UEVLD: variants seen among roughly 807,000 people sequenced by gnomAD.
UEVLD encodes UEV and lactate/malate dehyrogenase domains, also known as ubiquitin-conjugating enzyme E2 variant 3.
In UEVLD, 47 loss-of-function variants were observed where a neutral mutation model predicts 58.6. That is an observed-to-expected ratio of 0.80 (90% CI 0.63 to 1.02). The LOEUF (loss-of-function observed/expected upper bound fraction) is 1.02, where lower values mean the gene tolerates loss of function less well. Among genes scored for constraint, UEVLD ranks in the 50% least tolerant of loss-of-function variants. The pLI is 0.00. For missense variants in UEVLD, 510 were observed against 550.6 expected, an observed-to-expected ratio of 0.93 and a Z score of 0.74; for synonymous variants, 197 against 195.3, an observed-to-expected ratio of 1.01 and a Z score of -0.07.
Position 18,547,028 on chromosome 11 carries a change from G to A in UEVLD, c.738C>T (p.Ser246=). ...ISKDLSASAH[S]KVVIFTVNSL... ...AGTTGACTGTGAAGATCACCACCTT[G>A]GAATGAGCAGAGGCAGACAAATCTA... Residue 246 remains serine (S), a synonymous_variant, in exon 8 of 12, where the codon TCC becomes TCT. Coordinates refer to ENST00000396197, the MANE Select transcript of UEVLD (RefSeq NM_001040697.4). 6.2e-7 allele frequency: 1 copy of A among 1,613,182 alleles called. No homozygotes were observed. The highest frequency in any genetic ancestry group is 1.1e-5 in the South Asian group (1 of 90,816).
intron 9 of UEVLD, among the ~76,000 whole-genome samples, chr11:18,542,890 C>CTTTTTTTTTCTTTTTTT (rs1851116523): frequency 7.9e-6 from 1 of 125,902 alleles, no homozygotes; most frequent in Non-Finnish European, 1.6e-5. Context: ...CTTTTCTTTT[C>CTTTTTTTTTCTTTTTTT]TTTTTTTTTT....
At chr11:18,575,101 T>C (rs1038232132) in intron 3 of UEVLD, among the ~76,000 whole-genome samples, 3 of 152,302 alleles carry the variant, frequency 2.0e-5, no homozygotes, top group South Asian at 4.1e-4. Flanking sequence ...GCTGAACTCT[T>C]TTTAAGAGAT....
At chr11:18,543,881 G>A (rs756501151) in intron 9 of UEVLD, among the ~76,000 whole-genome samples, 1 of 152,150 alleles carries the variant, frequency 6.6e-6, no homozygotes, top group African/African-American at 2.4e-5. Flanking sequence ...AGGCCATAGG[G>A]ATAAACAATG....
intron 7 of UEVLD, among the ~76,000 whole-genome samples, chr11:18,551,871 T>A (rs879263484): frequency 2.6e-5 from 4 of 152,308 alleles, no homozygotes; most frequent in Admixed American, 1.3e-4. Flanking sequence ...GTAAATAATA[T>A]TTCATGCTTT....
At chr11:18,566,945 A>G (rs535012089) in intron 4 of UEVLD, among the ~76,000 whole-genome samples, 30 of 152,226 alleles carry the variant, frequency 2.0e-4, no homozygotes, top group Middle Eastern at 3.2e-3. Context: ...ATAATTTCAG[A>G]CTTACAGAAA....
intron 4 of UEVLD, among the ~76,000 whole-genome samples, chr11:18,569,610 G>A (rs1319673517): frequency 6.9e-6 from 1 of 144,050 alleles, no homozygotes. Flanking sequence ...ATATCCTTAT[G>A]CTGTCATCAG....
At chr11:18,535,539 A>G (rs968534052) in intron 10 of UEVLD, among the ~76,000 whole-genome samples, 40 of 152,228 alleles carry the variant, frequency 2.6e-4, no homozygotes, top group African/African-American at 8.9e-4. Context: ...TCTAAAAGTC[A>G]TAAGCTGATG....
At chr11:18,557,185 C>T (rs1009298868) in intron 7 of UEVLD, among the ~76,000 whole-genome samples, 2 of 151,798 alleles carry the variant, frequency 1.3e-5, no homozygotes, top group Admixed American at 6.6e-5. Flanking sequence ...CAGAGTCTCA[C>T]TCTGTCGCCC....
At chr11:18,543,694 G>A (rs2133971398) in intron 9 of UEVLD, among the ~76,000 whole-genome samples, 1 of 152,272 alleles carries the variant, frequency 6.6e-6, no homozygotes, top group African/African-American at 2.4e-5. Context: ...AAATCAGGGT[G>A]AACAGCACTT....
chr11:18,574,751 T>C (rs1852811945), intron 3 of UEVLD, among the ~76,000 whole-genome samples: 1 of 152,196 alleles, frequency 6.6e-6, no homozygotes, highest in Admixed American at 6.5e-5. Flanking sequence ...AATTTTCCTA[T>C]TGGAGTCTGA....
At chr11:18,547,513 G>C (rs1424753178) in intron 7 of UEVLD, among the ~76,000 whole-genome samples, 1 of 152,140 alleles carries the variant, frequency 6.6e-6, no homozygotes, top group Non-Finnish European at 1.5e-5. Context: ...GACAGAGTGA[G>C]ACTCTGTCTC....
intron 1 of UEVLD, among the ~76,000 whole-genome samples, chr11:18,582,491 G>A (rs930066969): frequency 1.4e-5 from 2 of 146,796 alleles, no homozygotes; most frequent in African/African-American, 5.1e-5. Context: ...GTGCCACCAT[G>A]CCTGGATAAT....
intron 1 of UEVLD, among the ~76,000 whole-genome samples, chr11:18,584,989 CT>C (rs1421539348): frequency 1.1e-4 from 16 of 152,116 alleles, no homozygotes; most frequent in South Asian, 6.2e-4. Flanking sequence ...GATACCAATA[CT>C]TTGTCAGTTA....
chr11:18,562,074 G>C (rs936833062), intron 6 of UEVLD, among the ~76,000 whole-genome samples: 1 of 152,026 alleles, frequency 6.6e-6, no homozygotes, highest in Non-Finnish European at 1.5e-5. Flanking sequence ...AAATATTAAC[G>C]TCTAAAAAGA....
At chr11:18,546,514 T>C (rs1192068465) in intron 8 of UEVLD, among the ~76,000 whole-genome samples, 5 of 151,974 alleles carry the variant, frequency 3.3e-5, no homozygotes, top group Non-Finnish European at 5.9e-5. Flanking sequence ...TGTTTTTTTT[T>C]TTTGAGAGAG....
intron 1 of UEVLD, among the ~76,000 whole-genome samples, chr11:18,582,405 C>CTTTTTTTTT (rs773719146): frequency 1.3e-5 from 1 of 75,640 alleles, no homozygotes; most frequent in African/African-American, 4.7e-5. Flanking sequence ...AAAATATTAG[C>CTTTTTTTTT]TTTTTTTTTT....
chr11:18,577,737 T>C lies in UEVLD; in HGVS notation c.127+987A>G, dbSNP rs187960355. On this transcript the variant is annotated intron_variant, in intron 2 of 11. Transcript: ENST00000396197. Reference sequence around the variant, plus strand: ...ATACAAGAAAATTAGCCGGGCATGGTGGTGGGTGCCTGTAATCCCAGCTAC... The same window carrying C: ...ATACAAGAAAATTAGCCGGGCATGGCGGTGGGTGCCTGTAATCCCAGCTAC... 5.3e-4 allele frequency among the ~76,000 whole-genome samples: 80 copies of C among 151,878 alleles called. 1 individual carries two copies. In the East Asian group the frequency reaches 0.013, roughly 25 times the overall value.
intron 3 of UEVLD, among the ~76,000 whole-genome samples, chr11:18,574,373 A>C (rs1244128802): frequency 6.6e-6 from 1 of 152,130 alleles, no homozygotes; most frequent in Non-Finnish European, 1.5e-5. Flanking sequence ...CCTGACCTCA[A>C]GTGATCTGCC....
chr11:18,553,152 C>G (rs193330), intron 7 of UEVLD, among the ~76,000 whole-genome samples: 4 of 77,146 alleles, frequency 5.2e-5, no homozygotes, highest in African/African-American at 2.2e-4. Flanking sequence ...GAGGTTCCGT[C>G]TCAAAAAAAA....
Sources: allele counts gnomAD v4.1 joint callset (sites outside exome capture counted in the v4.1 genomes callset), GRCh38; gene constraint gnomAD v4.1.1; transcripts MANE v1.5; gene names NCBI Gene and HGNC (gene_info 2026-07-23, HGNC 2026-07-21).